EIF4E3: variants seen among roughly 807,000 people sequenced by gnomAD.
EIF4E3 encodes the protein eukaryotic translation initiation factor 4E family member 3, also known as eukaryotic translation initiation factor 4E type 3.
EIF4E3 carries 26 observed loss-of-function variants against 31.7 expected under a neutral mutation model. That is an observed-to-expected ratio of 0.82 (90% CI 0.60 to 1.14). The LOEUF is 1.14. Among genes scored for constraint, EIF4E3 ranks in the 50% most tolerant of loss-of-function variants. EIF4E3 has a pLI of 0.00. For missense variants in EIF4E3, 304 were observed against 270.9 expected, an observed-to-expected ratio of 1.12 and a Z score of -0.86; for synonymous variants, 128 against 107.7, an observed-to-expected ratio of 1.19 and a Z score of -1.17.
chr3:71,684,755 GA>G (rs375802441), intron 6 of EIF4E3, 27 bp from the exon 7 acceptor site: 11 of 1,609,894 alleles, frequency 6.8e-6, no homozygotes, highest in Non-Finnish European at 9.3e-6. Context: ...AAACAAAAAA[GA>G]AAAAAAGGAA....
upstream of EIF4E3, chr3:71,754,403 C>T: frequency 3.7e-6 from 5 of 1,345,940 alleles, no homozygotes; most frequent in Non-Finnish European, 4.8e-6. This position sits in a 1 kb window ranked among gnomAD's most constrained non-coding sequence, Gnocchi z 5.8. Flanking sequence ...GCGTGGGCGT[C>T]ACCCGCTACC....
intron 5 of EIF4E3, among the ~76,000 whole-genome samples, chr3:71,693,010 A>G (rs1469825135): frequency 6.6e-6 from 1 of 152,230 alleles, no homozygotes; most frequent in East Asian, 1.9e-4. Context: ...GGCAAGGCCT[A>G]CAGGGCTCTC....
rs569578587 is a variant in EIF4E3 at position 71,708,938 on chromosome 3, C to T, written c.249+1474G>A. 4.0e-4 allele frequency among the ~76,000 whole-genome samples: 61 copies of T among 152,312 alleles called. No individual in the cohort carries two copies. In the East Asian group the frequency reaches 4.6e-3, roughly 12 times the overall value. The stretch of plus-strand genomic sequence containing the variant: ...CCACAAGCTTATGTCATTTCCCCAA[C>T]GACACCAGAAATGGCCCACAGTCAG... On this transcript the variant is annotated intron_variant, in intron 2 of 6. Coordinates refer to ENST00000425534, the MANE Select transcript of EIF4E3 (RefSeq NM_001134651.2).
chr3:71,751,364 C>G (rs977020928), intron 1 of EIF4E3, among the ~76,000 whole-genome samples: 1 of 152,228 alleles, frequency 6.6e-6, no homozygotes, highest in African/African-American at 2.4e-5. Flanking sequence ...ACAGCACATA[C>G]CACATCTGGC....
At chr3:71,745,560 T>C (rs2049863248) in intron 1 of EIF4E3, among the ~76,000 whole-genome samples, 1 of 152,234 alleles carries the variant, frequency 6.6e-6, no homozygotes, top group Non-Finnish European at 1.5e-5. Flanking sequence ...TATTTGATTT[T>C]CGACCAAATA....
upstream of EIF4E3, among the ~76,000 whole-genome samples, chr3:71,729,798 A>ATGTG (rs3066626): frequency 0.034 from 4,439 of 129,688 alleles, 118 homozygotes; most frequent in Middle Eastern, 0.059. Context: ...TTCCAATAGA[A>ATGTG]TGTGTGTGTG....
At chr3:71,675,339 A>G (rs2048867524), downstream of EIF4E3, 3 of 152,236 alleles carry the variant, frequency 2.0e-5, no homozygotes, top group African/African-American at 2.4e-5. Flanking sequence ...TTATTCTTGT[A>G]CATTCTTTGG....
At chr3:71,754,329 G>A, upstream of EIF4E3, 1 of 1,241,474 alleles carries the variant, frequency 8.1e-7, no homozygotes, top group East Asian at 3.8e-5. The surrounding 1 kb of genome is among the most constrained non-coding windows in gnomAD (Gnocchi z 5.8). Context: ...GGGCGCGCTG[G>A]GCTGCAAGCT....
At position 71,723,985 on chromosome 3, in the gene EIF4E3, CA is replaced by C. The variant is rs932525268; in HGVS notation, c.176+1206del. ...AAAAAAGAAATGAGCTTGTCTTAAC[CA>C]AAAAAAAAATGAATATCACTTTTTT... On this transcript the variant is annotated intron_variant, in intron 1 of 6. Coordinates refer to ENST00000425534, the MANE Select transcript of EIF4E3 (RefSeq NM_001134651.2). Among the ~76,000 whole-genome samples, 29 of 147,532 alleles carry C rather than the reference CA, an allele frequency of 2.0e-4. No homozygotes were observed. In the East Asian group the frequency reaches 3.1e-3, roughly 16 times the overall value.
Position 71,734,148 on chromosome 3 carries a change from C to A in EIF4E3, c.-290-5525G>T, listed in dbSNP as rs897120595. 3.3e-5 allele frequency among the ~76,000 whole-genome samples: 5 copies of A among 152,236 alleles called. No homozygotes were observed. In the South Asian group the frequency reaches 8.3e-4, roughly 25 times the overall value. On this transcript the variant is annotated intron_variant, in intron 1 of 7. Coordinates refer to the EIF4E3 transcript ENST00000295612. ...CCTTATGGTATTTGCTTTAAATTTT[C>A]TTAGTGTTTGTGGTAAGACAGTATC...
At chr3:71,666,638 C>T in the EIF4E3 span, among the ~76,000 whole-genome samples, 11 of 152,014 alleles carry the variant, frequency 7.2e-5, no homozygotes, top group African/African-American at 2.7e-4. Flanking sequence ...AGAGACACAA[C>T]AAAAAAAGAG....
intron 1 of EIF4E3, among the ~76,000 whole-genome samples, chr3:71,739,979 T>A (rs1196106559): frequency 6.6e-6 from 1 of 152,082 alleles, no homozygotes; most frequent in Non-Finnish European, 1.5e-5. Flanking sequence ...CCACTGTAAA[T>A]TGTTATAGTG....
chr3:71,690,730 T>C (rs1290370752), intron 5 of EIF4E3, among the ~76,000 whole-genome samples: 1 of 152,224 alleles, frequency 6.6e-6, no homozygotes, highest in Non-Finnish European at 1.5e-5. Flanking sequence ...TCCTTTCCTA[T>C]GAATTCTTCC....
At chr3:71,748,065 G>C (rs1260642741) in intron 1 of EIF4E3, among the ~76,000 whole-genome samples, 3 of 152,202 alleles carry the variant, frequency 2.0e-5, no homozygotes, top group African/African-American at 7.2e-5. Context: ...TCCTTGACTA[G>C]GAGAGGTTTA....
rs2048876951 is a variant in EIF4E3 at position 71,676,660 on chromosome 3, G to T, written c.*8022C>A. On this transcript the variant is annotated 3_prime_UTR_variant, in exon 7 of 7. Coordinates refer to ENST00000425534, the MANE Select transcript of EIF4E3 (RefSeq NM_001134651.2). Reference sequence around the variant, plus strand: ...TGAAAACTTTGCCATATCTGAAAGTGTTTCTGTGGAACCACCCTTCTAGGG... The same window carrying T: ...TGAAAACTTTGCCATATCTGAAAGTTTTTCTGTGGAACCACCCTTCTAGGG... 6.6e-6 allele frequency: 1 copy of T among 151,450 alleles called. No homozygotes were observed. The highest frequency in any genetic ancestry group is 1.5e-5 in the Non-Finnish European group (1 of 67,922). 9.4% of individuals were successfully genotyped at this position (151,450 alleles called of 1,614,324 possible). A position where few individuals can be genotyped will look rare whatever the true frequency, so the allele number is the denominator to read the frequency against.
intron 1 of EIF4E3, among the ~76,000 whole-genome samples, chr3:71,738,958 A>AAATGCCTG (rs2049791879): frequency 7.2e-6 from 1 of 139,658 alleles, no homozygotes; most frequent in Non-Finnish European, 1.5e-5. Context: ...GAAAATTTCC[A>AAATGCCTG]AATGCCTGAA....
intron 2 of EIF4E3, among the ~76,000 whole-genome samples, chr3:71,702,848 C>A (rs1305756229): frequency 6.6e-6 from 1 of 152,148 alleles, no homozygotes; most frequent in African/African-American, 2.4e-5. Flanking sequence ...AGGAATCTAG[C>A]ATTACTCAGC....
intron 6 of EIF4E3, 88 bp from the exon 7 acceptor site, chr3:71,684,816 C>A: frequency 7.2e-7 from 1 of 1,380,406 alleles, no homozygotes; most frequent in Non-Finnish European, 9.9e-7. Flanking sequence ...GCATCTCATT[C>A]AGCTTCCCCA....
intron 3 of EIF4E3, among the ~76,000 whole-genome samples, chr3:71,698,782 A>T (rs2049174989): frequency 6.6e-6 from 1 of 152,210 alleles, no homozygotes; most frequent in Non-Finnish European, 1.5e-5. Flanking sequence ...ATGGGAGAAA[A>T]TTAAACCAAT....
Sources: gnomAD v4.1 joint callset for allele counts (sites outside exome capture counted in the v4.1 genomes callset) on GRCh38, gnomAD v4.1.1 for gene constraint, Gnocchi (gnomAD v3.1) non-coding constraint, MANE v1.5 for transcripts, NCBI Gene and HGNC (gene_info 2026-07-23, HGNC 2026-07-21) for gene names.